Variants in FBXO25 observed in about 807,000 individuals in gnomAD.
The protein encoded by FBXO25 is F-box only protein 25.
FBXO25 carries 45 observed loss-of-function variants against 51.9 expected under a neutral mutation model. That is an observed-to-expected ratio of 0.87 (90% confidence interval 0.68 to 1.11). FBXO25 has a LOEUF of 1.11. Ranked by LOEUF, FBXO25 falls within the 50% of genes most tolerant of loss-of-function variation. FBXO25 has a pLI of 0.00. For synonymous variants in FBXO25, 199 were observed against 151.0 expected, an observed-to-expected ratio of 1.32 and a Z score of -2.33; for missense variants, 507 against 428.5, an observed-to-expected ratio of 1.18 and a Z score of -1.62.
Position 438,621 on chromosome 8 carries a change from G to C in FBXO25, c.381+2914G>C, listed in dbSNP as rs1798238297. ...AAAATGGCCCCACCTTTTGTTCACTGTCCAGGGGCAGATGCTCTTCACTCA... is the reference window on the plus strand; with the variant it reads ...AAAATGGCCCCACCTTTTGTTCACTCTCCAGGGGCAGATGCTCTTCACTCA... On this transcript the variant is annotated intron_variant, in intron 5 of 9. Transcript: ENST00000350302. Among the ~76,000 whole-genome samples, 7 of 152,206 alleles carry C rather than the reference G, an allele frequency of 4.6e-5. No individual in the cohort carries two copies. In the South Asian group the frequency reaches 1.4e-3, roughly 31 times the overall value.
intron 9 of FBXO25, among the ~76,000 whole-genome samples, chr8:466,887 C>G (rs1800198252): frequency 6.6e-6 from 1 of 152,162 alleles, no homozygotes; most frequent in Non-Finnish European, 1.5e-5. Flanking sequence ...GGCGTTACCT[C>G]CCGGCTGTAC....
At chr8:457,098 G>C (rs558565264) in intron 7 of FBXO25, among the ~76,000 whole-genome samples, 5 of 152,164 alleles carry the variant, frequency 3.3e-5, no homozygotes, top group African/African-American at 1.2e-4. Context: ...TACATACATC[G>C]ACCTATTGGG....
At chr8:465,808 T>A (rs990563019) in intron 9 of FBXO25, among the ~76,000 whole-genome samples, 3 of 152,228 alleles carry the variant, frequency 2.0e-5, no homozygotes, top group African/African-American at 7.2e-5. Flanking sequence ...TTACAGGTGC[T>A]CCATGTATAT....
chr8:427,350 G>T (rs11136669), intron 2 of FBXO25, among the ~76,000 whole-genome samples: 68,327 of 133,278 alleles, frequency 0.51, 13,715 homozygotes, highest in African/African-American at 0.57. Flanking sequence ...TTGTTTTGGT[G>T]TTGGTGAAAT....
intron 2 of FBXO25, among the ~76,000 whole-genome samples, chr8:420,629 C>T (rs1215011217): frequency 6.6e-6 from 1 of 152,240 alleles, no homozygotes; most frequent in African/African-American, 2.4e-5. Context: ...TTAATTCGCA[C>T]AACATGGATG....
intron 8 of FBXO25, 121 bp from the exon 9 acceptor site, chr8:462,886 A>G (rs1035103042): frequency 9.5e-6 from 11 of 1,155,546 alleles, no homozygotes; most frequent in Non-Finnish European, 1.2e-5. Flanking sequence ...TTGTAACCCT[A>G]AAGCTATTGA....
At chr8:453,215 TA>T (rs1370810939) in intron 7 of FBXO25, among the ~76,000 whole-genome samples, 4 of 152,226 alleles carry the variant, frequency 2.6e-5, no homozygotes, top group Non-Finnish European at 5.9e-5. Flanking sequence ...GCGCTGATGA[TA>T]ACACAAAGGT....
Position 463,254 on chromosome 8 carries a change from T to G in FBXO25, c.987+104T>G, listed in dbSNP as rs1799934420. 4 of 1,269,560 alleles carry G rather than the reference T, an allele frequency of 3.2e-6. No individual in the cohort carries two copies. In the Admixed American group the frequency reaches 8.7e-5, roughly 28 times the overall value. 78.6% of individuals were successfully genotyped at this position (1,269,560 alleles called of 1,614,324 possible). A position where few individuals can be genotyped will look rare whatever the true frequency, so the allele number is the denominator to read the frequency against. On this transcript the variant is annotated intron_variant, in intron 9 of 9. Transcript: ENST00000350302. ...AGACTAAAAAGCGGAAAATACTGTTTGTTATAAGTAAGTTAAGGAGATATA... is the reference window on the plus strand; with the variant it reads ...AGACTAAAAAGCGGAAAATACTGTTGGTTATAAGTAAGTTAAGGAGATATA...
At chr8:464,428 C>T (rs951835226) in intron 9 of FBXO25, among the ~76,000 whole-genome samples, 1 of 152,208 alleles carries the variant, frequency 6.6e-6, no homozygotes, top group African/African-American at 2.4e-5. Context: ...GCTGGCTGCT[C>T]TGCGGAGGGA....
intron 4 of FBXO25, among the ~76,000 whole-genome samples, chr8:435,001 C>T (rs994495424): frequency 6.6e-6 from 1 of 152,192 alleles, no homozygotes; most frequent in African/African-American, 2.4e-5. Flanking sequence ...CAGCACTTGC[C>T]TTCAGCCCTC....
At chr8:451,024 G>C in intron 6 of FBXO25, 1 of 359,912 alleles carries the variant, frequency 2.8e-6, no homozygotes, top group South Asian at 5.8e-5. Flanking sequence ...TGTAAGTGGA[G>C]ATATATATTT....
intron 9 of FBXO25, 25 bp downstream of exon 9, chr8:463,175 A>G: frequency 6.2e-7 from 1 of 1,600,842 alleles, no homozygotes; most frequent in Non-Finnish European, 8.5e-7. Flanking sequence ...GCACTCTTGG[A>G]ATTTCAGGAT....
chr8:440,746 C>A (rs1798377136), intron 5 of FBXO25, among the ~76,000 whole-genome samples: 2 of 151,516 alleles, frequency 1.3e-5, no homozygotes, highest in Admixed American at 6.6e-5. Context: ...TAGCCCCCCA[C>A]CCCCCGACAG....
At chr8:424,639 T>C (rs1797360761) in intron 2 of FBXO25, among the ~76,000 whole-genome samples, 1 of 152,230 alleles carries the variant, frequency 6.6e-6, no homozygotes, top group Admixed American at 6.5e-5. Flanking sequence ...CCACTGCTGT[T>C]TTTGCTGGCC....
chr8:419,313 G>C (rs966668653), intron 2 of FBXO25, among the ~76,000 whole-genome samples: 1 of 152,192 alleles, frequency 6.6e-6, no homozygotes, highest in African/African-American at 2.4e-5. Context: ...AGGTTGTGGT[G>C]AGCAGAGATC....
At chr8:453,775 C>G (rs1799245528) in intron 7 of FBXO25, among the ~76,000 whole-genome samples, 1 of 152,204 alleles carries the variant, frequency 6.6e-6, no homozygotes, top group Admixed American at 6.5e-5. Context: ...GGCCAGCTTT[C>G]TCCAGTGAGC....
chr8:410,957 A>T (rs553810095), intron 1 of FBXO25, among the ~76,000 whole-genome samples: 23 of 152,182 alleles, frequency 1.5e-4, no homozygotes, highest in African/African-American at 5.3e-4. Flanking sequence ...AAGTCTATGT[A>T]ATTTCCTTCC....
intron 7 of FBXO25, among the ~76,000 whole-genome samples, chr8:457,227 G>C (rs1278018001): frequency 6.6e-6 from 1 of 152,184 alleles, no homozygotes; most frequent in African/African-American, 2.4e-5. Flanking sequence ...CAAACAGCCA[G>C]AACCCCACTG....
intron 7 of FBXO25, among the ~76,000 whole-genome samples, chr8:452,234 G>C (rs1799142602): frequency 6.6e-6 from 1 of 152,216 alleles, no homozygotes; most frequent in Non-Finnish European, 1.5e-5. Flanking sequence ...TTTACAAAAA[G>C]AGTGATGATT....
Sources: gnomAD v4.1 joint callset for allele counts (sites outside exome capture counted in the v4.1 genomes callset) on GRCh38, gnomAD v4.1.1 for gene constraint, MANE v1.5 for transcripts, NCBI Gene and HGNC (gene_info 2026-07-23, HGNC 2026-07-21) for gene names.